SLC4A5: variants seen among roughly 807,000 people sequenced by gnomAD.
SLC4A5 encodes the protein electrogenic sodium bicarbonate cotransporter 4.
In SLC4A5, 96 loss-of-function variants were observed where a neutral mutation model predicts 120.4. The ratio of observed to expected loss-of-function variants is 0.80; its 90% CI spans 0.68 to 0.94. The LOEUF is 0.94. SLC4A5 is among the 40% of genes least tolerant of loss of function. The pLI is 0.00. For synonymous variants in SLC4A5, 550 were observed against 571.1 expected (o/e 0.96, Z 0.53); for missense variants, 1,259 against 1,459.5 (o/e 0.86, Z 2.24).
intron 21 of SLC4A5, among the ~76,000 whole-genome samples, chr2:74,238,050 C>A (rs780871759): frequency 6.6e-6 from 1 of 151,876 alleles, no homozygotes; most frequent in Admixed American, 6.6e-5. Flanking sequence ...TGCAGTGAGC[C>A]GAGATCATGC....
intron 9 of SLC4A5, 139 bp downstream of exon 9, chr2:74,264,963 AAC>A (rs1671257151): frequency 1.1e-6 from 1 of 925,160 alleles, no homozygotes; most frequent in Non-Finnish European, 1.6e-6. Flanking sequence ...CCCTGGGAGC[AAC>A]AGAGTCAAAG....
chr2:74,295,803 G>A (rs1190752031), intron 7 of SLC4A5, among the ~76,000 whole-genome samples: 2 of 152,142 alleles, frequency 1.3e-5, no homozygotes, highest in African/African-American at 2.4e-5. Flanking sequence ...CCATACCTGG[G>A]CTTTCCTGGA....
At chr2:74,224,149 T>C (rs1053376932) in intron 28 of SLC4A5, among the ~76,000 whole-genome samples, 1 of 152,216 alleles carries the variant, frequency 6.6e-6, no homozygotes, top group Non-Finnish European at 1.5e-5. Context: ...AATGAACACA[T>C]GAATTAAGAA....
At chr2:74,281,509 C>T (rs932427012) in intron 8 of SLC4A5, among the ~76,000 whole-genome samples, 2 of 152,226 alleles carry the variant, frequency 1.3e-5, no homozygotes, top group African/African-American at 2.4e-5. Flanking sequence ...TATCAGCAAA[C>T]AGCCAGCTGC....
exon 6 of SLC4A5, chr2:74,314,965 C>G: frequency 1.2e-6 from 2 of 1,609,670 alleles, no homozygotes; most frequent in South Asian, 2.2e-5. Context: ...CGGAAATCTC[C>G]TCCTGTGGTT....
chr2:74,301,690 C>T (rs897066024), intron 7 of SLC4A5, among the ~76,000 whole-genome samples: 4 of 152,218 alleles, frequency 2.6e-5, no homozygotes, highest in African/African-American at 9.7e-5. Flanking sequence ...TGAGATGTGG[C>T]AAGAGCAAGG....
chr2:74,293,756 C>T (rs996174668), intron 7 of SLC4A5, among the ~76,000 whole-genome samples: 8 of 152,202 alleles, frequency 5.3e-5, no homozygotes, highest in African/African-American at 9.6e-5. Flanking sequence ...TCTGCTTCCC[C>T]AAGCCAGTTC....
chr2:74,217,241 A>G (rs1022151973), exon 31 of SLC4A5: 1 of 152,218 alleles, frequency 6.6e-6, no homozygotes, highest in Non-Finnish European at 1.5e-5. Context: ...GGTTTAAATC[A>G]TAGTTGTTTT....
chr2:74,247,427 A>G, intron 18 of SLC4A5, 120 bp from the exon 19 acceptor site: 1 of 1,014,752 alleles, frequency 9.9e-7, no homozygotes, highest in Non-Finnish European at 1.4e-6. Context: ...CCTCCCAGGG[A>G]CTGTGAAAGA....
intron 14 of SLC4A5, among the ~76,000 whole-genome samples, chr2:74,254,128 A>G (rs566043845): frequency 6.6e-6 from 1 of 152,332 alleles, no homozygotes; most frequent in Admixed American, 6.5e-5. Context: ...TAGGCTCCCC[A>G]TCACTCTGGG....
chr2:74,341,408 G>A (rs538689793), intron 2 of SLC4A5, among the ~76,000 whole-genome samples: 16 of 152,078 alleles, frequency 1.1e-4, no homozygotes, highest in African/African-American at 3.9e-4. Context: ...CAATGGAACA[G>A]TGCACATTAG....
intron 7 of SLC4A5, among the ~76,000 whole-genome samples, chr2:74,303,307 G>T (rs1487439747): frequency 6.6e-6 from 1 of 152,122 alleles, no homozygotes; most frequent in Non-Finnish European, 1.5e-5. Flanking sequence ...AGCTCCCATG[G>T]CCTGTGAGAG....
intron 1 of SLC4A5, among the ~76,000 whole-genome samples, chr2:74,343,043 C>A (rs1371178310): frequency 6.6e-6 from 1 of 152,156 alleles, no homozygotes; most frequent in African/African-American, 2.4e-5. Context: ...ACTACACGCT[C>A]CCCTCACAGA....
At chr2:74,303,405 A>G (rs1672536154) in intron 7 of SLC4A5, among the ~76,000 whole-genome samples, 1 of 152,126 alleles carries the variant, frequency 6.6e-6, no homozygotes, top group South Asian at 2.1e-4. Context: ...TAATAAACCA[A>G]CTTTTCCACA....
intron 8 of SLC4A5, among the ~76,000 whole-genome samples, chr2:74,276,029 A>G (rs1671628197): frequency 6.6e-6 from 1 of 152,186 alleles, no homozygotes; most frequent in Admixed American, 6.5e-5. Context: ...ATCATGTCTC[A>G]TGGGCTCCAA....
intron 6 of SLC4A5, chr2:74,306,853 C>T (rs750722098): frequency 4.7e-6 from 3 of 642,722 alleles, no homozygotes; most frequent in Non-Finnish European, 8.5e-6. Context: ...AGATTGAAGT[C>T]CTTGCCATCT....
At chr2:74,280,278 T>G (rs999377773) in intron 8 of SLC4A5, among the ~76,000 whole-genome samples, 2 of 152,122 alleles carry the variant, frequency 1.3e-5, no homozygotes, top group Non-Finnish European at 2.9e-5. Flanking sequence ...CCTTCAGGTC[T>G]CAATGTGAAC....
chr2:74,307,154 C>G (rs1380936822), intron 6 of SLC4A5: 1 of 559,250 alleles, frequency 1.8e-6, no homozygotes, highest in Non-Finnish European at 3.3e-6. Context: ...CAGCTCCAAC[C>G]TTGGCAGACT....
chr2:74,281,166 C>T (rs761288568), intron 8 of SLC4A5, among the ~76,000 whole-genome samples: 1 of 152,226 alleles, frequency 6.6e-6, no homozygotes, highest in Non-Finnish European at 1.5e-5. Context: ...CCGGTCACTG[C>T]AGGAACATTC....
Sources: allele counts gnomAD v4.1 joint callset (sites outside exome capture counted in the v4.1 genomes callset), GRCh38; gene constraint gnomAD v4.1.1; transcripts MANE v1.5; gene names NCBI Gene and HGNC (gene_info 2026-07-23, HGNC 2026-07-21).